The following PHLDB2 variants were observed in gnomAD, a reference collection of about 807,000 sequenced individuals.
PHLDB2 encodes pleckstrin homology-like domain family B member 2.
In PHLDB2, 71 loss-of-function variants were observed where a neutral mutation model predicts 123.6. The observed-to-expected ratio is 0.57, with a 90% confidence interval of 0.47 to 0.70. The LOEUF (loss-of-function observed/expected upper bound fraction) is 0.70, where lower values mean the gene tolerates loss of function less well. Ranked by LOEUF, PHLDB2 falls within the 30% of genes least tolerant of loss-of-function variation. The probability of loss-of-function intolerance (pLI) is 0.00; values close to 1 mark genes in which losing one functional copy is unlikely to be tolerated. For synonymous variants in PHLDB2, 547 were observed against 541.6 expected, an observed-to-expected ratio of 1.01 and a Z score of -0.14; for missense variants, 1,446 against 1,519.5, an observed-to-expected ratio of 0.95 and a Z score of 0.80.
At chr3:111,741,337 T>C (rs1183495885) in intron 1 of PHLDB2, among the ~76,000 whole-genome samples, 1 of 152,202 alleles carries the variant, frequency 6.6e-6, no homozygotes, top group Non-Finnish European at 1.5e-5. Context: ...GTAGAGGCTT[T>C]CCAGAAGATG....
At chr3:111,958,200 C>T in intron 12 of PHLDB2, 2 of 914,028 alleles carry the variant, frequency 2.2e-6, no homozygotes, top group South Asian at 1.0e-4. Flanking sequence ...ATCTTTTTCC[C>T]TTTCTACAAT....
rs146428591 is a variant in PHLDB2 at position 111,764,244 on chromosome 3, G to C, written c.-49+31541G>C. 2.5e-4 allele frequency among the ~76,000 whole-genome samples: 38 copies of C among 152,290 alleles called. 1 individual carries two copies. The East Asian group carries it at 7.0e-3, about 28-fold the overall frequency. Reference sequence around the variant, plus strand: ...AACTGTTGGTCAGCAGCCCAGGAATGGTAGTTATTGTGTGGCAAACTGGTC... The same window carrying C: ...AACTGTTGGTCAGCAGCCCAGGAATCGTAGTTATTGTGTGGCAAACTGGTC... On this transcript the variant is annotated intron_variant, in intron 1 of 17. Transcript: ENST00000393923.
intron 1 of PHLDB2, among the ~76,000 whole-genome samples, chr3:111,751,846 A>G (rs1260480622): frequency 1.3e-5 from 2 of 152,042 alleles, no homozygotes; most frequent in African/African-American, 4.8e-5. Flanking sequence ...AATAATAATA[A>G]AAATTTTTTA....
At chr3:111,734,232 A>G (rs1309882333) in intron 1 of PHLDB2, among the ~76,000 whole-genome samples, 1 of 152,180 alleles carries the variant, frequency 6.6e-6, no homozygotes, top group Non-Finnish European at 1.5e-5. Flanking sequence ...GTTCATAGAT[A>G]ATGCAAGTGA....
intron 1 of PHLDB2, among the ~76,000 whole-genome samples, chr3:111,782,893 T>TAAAATAAA (rs1179296502): frequency 6.6e-6 from 1 of 152,114 alleles, no homozygotes; most frequent in Non-Finnish European, 1.5e-5. Context: ...GTCTTCTTTT[T>TAAAATAAA]TAGGATTCTC....
intron 6 of PHLDB2, among the ~76,000 whole-genome samples, chr3:111,938,981 T>G (rs712508): frequency 0.22 from 33,360 of 151,890 alleles, 5,889 homozygotes; most frequent in African/African-American, 0.49. Flanking sequence ...CTAACTTTTG[T>G]ATTTTTAGTA....
At chr3:111,949,269 A>T (rs912437218) in intron 10 of PHLDB2, among the ~76,000 whole-genome samples, 194 bp downstream of exon 10, 26 of 152,212 alleles carry the variant, frequency 1.7e-4, no homozygotes, top group Non-Finnish European at 3.7e-4. Context: ...AAATTCTAGA[A>T]ACCATGAAAT....
chr3:111,781,108 C>T (rs1391308922), intron 1 of PHLDB2, among the ~76,000 whole-genome samples: 2 of 151,908 alleles, frequency 1.3e-5, no homozygotes, highest in African/African-American at 4.8e-5. Flanking sequence ...CATTTTTTAG[C>T]TTTTATATTT....
intron 1 of PHLDB2, among the ~76,000 whole-genome samples, chr3:111,798,875 G>A (rs1219455370): frequency 6.6e-6 from 1 of 152,068 alleles, no homozygotes; most frequent in Non-Finnish European, 1.5e-5. Flanking sequence ...CAGGCTGTAT[G>A]AGTCCACTCT....
At position 111,837,571 on chromosome 3, in the gene PHLDB2, T is replaced by C. The variant is rs112150126; in HGVS notation, c.-48-8250T>C. On this transcript the variant is annotated intron_variant, in intron 1 of 17. Coordinates refer to the PHLDB2 transcript ENST00000393923. Reference sequence around the variant, plus strand: ...CCTATACTAAATGCATATACTAATATGTCCCATGGCTTGCTAAGGAGGGGC... The same window carrying C: ...CCTATACTAAATGCATATACTAATACGTCCCATGGCTTGCTAAGGAGGGGC... Among the ~76,000 whole-genome samples, 719 of 152,322 alleles carry C rather than the reference T, an allele frequency of 4.7e-3. 11 individuals are homozygous for C. Among genetic ancestry groups the C allele is most frequent in the African/African-American group, 0.016 (680 of 41,576 alleles).
At chr3:111,947,918 T>C (rs1407548040) in intron 9 of PHLDB2, among the ~76,000 whole-genome samples, 1 of 152,194 alleles carries the variant, frequency 6.6e-6, no homozygotes, top group African/African-American at 2.4e-5. Context: ...CATGGAAGAA[T>C]CTTTATGTCA....
intron 1 of PHLDB2, among the ~76,000 whole-genome samples, chr3:111,816,710 A>T (rs2062092486): frequency 6.6e-6 from 1 of 152,170 alleles, no homozygotes; most frequent in Non-Finnish European, 1.5e-5. Flanking sequence ...TGCTGAAATG[A>T]GTTAAGACTT....
intron 1 of PHLDB2, among the ~76,000 whole-genome samples, chr3:111,834,496 A>G (rs1490868472): frequency 2.0e-5 from 3 of 150,952 alleles, no homozygotes; most frequent in Admixed American, 1.3e-4. Context: ...ATATCATTTG[A>G]TTGTATGAAC....
intron 1 of PHLDB2, among the ~76,000 whole-genome samples, chr3:111,735,324 G>A (rs1379102473): frequency 6.6e-6 from 1 of 152,108 alleles, no homozygotes; most frequent in Non-Finnish European, 1.5e-5. Flanking sequence ...TGGCTTTTTG[G>A]TGTCATTTGA....
chr3:111,913,862 G>A, intron 3 of PHLDB2, 160 bp downstream of exon 3: 1 of 957,234 alleles, frequency 1.0e-6, no homozygotes, highest in Admixed American at 2.7e-5. Flanking sequence ...GCAAATTAGG[G>A]TGTTTACTGT....
In PHLDB2 at chr3:111,820,435, G is replaced by C. The variant is rs866680171; in HGVS notation, c.-48-25386G>C. ...TACTCTAGTGGAACTATATACTATA[G>C]TGGAAACACTATAGTGATGCAAGGA... On this transcript the variant is annotated intron_variant, in intron 1 of 17. Coordinates refer to the PHLDB2 transcript ENST00000393923. Among the ~76,000 whole-genome samples, 3 of 152,122 alleles carry C rather than the reference G, an allele frequency of 2.0e-5. No homozygotes were observed. The South Asian group carries it at 6.2e-4, about 31-fold the overall frequency.
intron 1 of PHLDB2, among the ~76,000 whole-genome samples, chr3:111,794,477 T>C (rs1296040777): frequency 6.6e-6 from 1 of 152,182 alleles, no homozygotes; most frequent in African/African-American, 2.4e-5. Context: ...TCACCTGATT[T>C]TGGGGTCTTA....
At chr3:111,907,560 G>A (rs1026401886) in intron 2 of PHLDB2, among the ~76,000 whole-genome samples, 21 of 152,006 alleles carry the variant, frequency 1.4e-4, no homozygotes, top group African/African-American at 4.4e-4. Flanking sequence ...GTAGTAGCAC[G>A]ACTGGGCTCA....
intron 1 of PHLDB2, among the ~76,000 whole-genome samples, chr3:111,822,888 G>GAAA (rs35370000): frequency 6.6e-6 from 1 of 151,130 alleles, no homozygotes; most frequent in Non-Finnish European, 1.5e-5. Flanking sequence ...TTAGCCCTCG[G>GAAA]AAAAAAAAAT....
Sources: allele counts gnomAD v4.1 joint callset (sites outside exome capture counted in the v4.1 genomes callset), GRCh38; gene constraint gnomAD v4.1.1; transcripts MANE v1.5; gene names NCBI Gene and HGNC (gene_info 2026-07-23, HGNC 2026-07-21).